Variants in CCDC148 observed in about 807,000 individuals in gnomAD.
CCDC148 encodes coiled-coil domain containing 148.
Under a neutral mutation model 85.7 loss-of-function variants are expected in CCDC148, and 89 were observed. That is an observed-to-expected ratio of 1.04 (90% CI 0.87 to 1.24). The LOEUF is 1.24. Among genes scored for constraint, CCDC148 ranks in the 50% most tolerant of loss-of-function variants. The probability of loss-of-function intolerance (pLI) is 0.00; values close to 1 mark genes in which losing one functional copy is unlikely to be tolerated. For missense variants in CCDC148, 692 were observed against 671.7 expected (o/e 1.03, Z -0.33); for synonymous variants, 230 against 213.9 (o/e 1.08, Z -0.66).
At chr2:158,408,662 T>G (rs2105312500) in intron 1 of CCDC148, among the ~76,000 whole-genome samples, 1 of 152,214 alleles carries the variant, frequency 6.6e-6, no homozygotes, top group South Asian at 2.1e-4. Context: ...TATGCATTCA[T>G]CCATTGATGG....
intron 11 of CCDC148, among the ~76,000 whole-genome samples, chr2:158,184,746 C>T (rs2105266947): frequency 6.6e-6 from 1 of 152,214 alleles, no homozygotes; most frequent in South Asian, 2.1e-4. Flanking sequence ...TAATGAGCAG[C>T]CTGGGATGAG....
intron 9 of CCDC148, among the ~76,000 whole-genome samples, chr2:158,296,126 C>T (rs560345239): frequency 2.0e-5 from 3 of 152,256 alleles, no homozygotes; most frequent in South Asian, 2.1e-4. Context: ...CATTTGGTGT[C>T]GTATCTCAGA....
chr2:158,366,090 GA>G (rs1559102517), intron 1 of CCDC148: 2 of 1,479,438 alleles, frequency 1.4e-6, no homozygotes, highest in East Asian at 5.0e-5. Flanking sequence ...TTAAGGAAAC[GA>G]GAGAACTAAA....
chr2:158,294,043 T>C (rs2105191285), intron 9 of CCDC148, among the ~76,000 whole-genome samples: 1 of 96,352 alleles, frequency 1.0e-5, no homozygotes, highest in Non-Finnish European at 1.9e-5. Flanking sequence ...CTTCCTTCCT[T>C]CCTTCCTTCC....
chr2:158,325,353 C>T (rs1692720214), intron 7 of CCDC148, among the ~76,000 whole-genome samples: 1 of 152,166 alleles, frequency 6.6e-6, no homozygotes, highest in African/African-American at 2.4e-5. Context: ...AATGGACTGA[C>T]CACTTCCTCT....
chr2:158,412,985 A>G (rs534087114), intron 1 of CCDC148, among the ~76,000 whole-genome samples: 1 of 151,830 alleles, frequency 6.6e-6, no homozygotes, highest in South Asian at 2.1e-4. Flanking sequence ...TATATCTCCT[A>G]ATGCTATAGC....
chr2:158,301,655 T>C (rs528149587), intron 9 of CCDC148, among the ~76,000 whole-genome samples: 11 of 152,184 alleles, frequency 7.2e-5, no homozygotes, highest in Non-Finnish European at 1.5e-4. Flanking sequence ...ATGGGAAATA[T>C]ACAGGAAGAC....
At chr2:158,223,474 G>C (rs1687309960) in intron 10 of CCDC148, among the ~76,000 whole-genome samples, 1 of 152,120 alleles carries the variant, frequency 6.6e-6, no homozygotes, top group Admixed American at 6.5e-5. Context: ...AGAGTGTAGT[G>C]GTTCTCCCAC....
chr2:158,177,899 A>T (rs1684674858), intron 12 of CCDC148, among the ~76,000 whole-genome samples: 1 of 152,076 alleles, frequency 6.6e-6, no homozygotes, highest in Non-Finnish European at 1.5e-5. Flanking sequence ...TTCCTCTCCT[A>T]TAAAATGGGG....
chr2:158,279,256 A>G (rs1021431557), intron 9 of CCDC148, among the ~76,000 whole-genome samples: 6 of 152,218 alleles, frequency 3.9e-5, no homozygotes, highest in South Asian at 2.1e-4. Context: ...TTCCTCACCA[A>G]CAATGGAACA....
intron 1 of CCDC148, among the ~76,000 whole-genome samples, chr2:158,404,151 T>C (rs1429044098): frequency 6.6e-6 from 1 of 152,144 alleles, no homozygotes; most frequent in African/African-American, 2.4e-5. Flanking sequence ...AAAGCCATTA[T>C]TATCATTGAC....
At chr2:158,278,963 T>C (rs1317194638) in intron 9 of CCDC148, among the ~76,000 whole-genome samples, 2 of 152,144 alleles carry the variant, frequency 1.3e-5, no homozygotes, top group South Asian at 4.1e-4. Context: ...GCAGCATTCA[T>C]GGCTCACGAA....
intron 7 of CCDC148, among the ~76,000 whole-genome samples, chr2:158,315,273 T>A (rs1012629254): frequency 6.6e-6 from 1 of 152,212 alleles, no homozygotes; most frequent in South Asian, 2.1e-4. Flanking sequence ...CTGAGTAAAC[T>A]TGGCATTTAA....
At chr2:158,311,521 G>C (rs909324632) in intron 8 of CCDC148, among the ~76,000 whole-genome samples, 35 of 152,216 alleles carry the variant, frequency 2.3e-4, no homozygotes, top group Admixed American at 6.5e-5. Context: ...AGATGACGGA[G>C]AGGGAGAGGC....
At chr2:158,223,879 G>C (rs145748847) in intron 10 of CCDC148, among the ~76,000 whole-genome samples, 4 of 152,186 alleles carry the variant, frequency 2.6e-5, no homozygotes, top group Admixed American at 2.6e-4. Context: ...AAAAAACAGA[G>C]CAGAAAAACT....
chr2:158,288,981 A>T (rs1690764466), intron 9 of CCDC148: 1 of 241,622 alleles, frequency 4.1e-6, no homozygotes, highest in African/African-American at 2.3e-5. Flanking sequence ...ACCCCTGATA[A>T]ATCCATCATA....
chr2:158,331,434 G>T (rs1444064761), intron 7 of CCDC148, among the ~76,000 whole-genome samples: 3 of 152,158 alleles, frequency 2.0e-5, no homozygotes, highest in Non-Finnish European at 4.4e-5. Context: ...CAACTACGTG[G>T]TCAATTTTGG....
chr2:158,404,835 C>A (rs897505479), intron 1 of CCDC148, among the ~76,000 whole-genome samples: 1 of 152,080 alleles, frequency 6.6e-6, no homozygotes, highest in Admixed American at 6.6e-5. Context: ...GTGTTTCCAG[C>A]AAATCAACCA....
chr2:158,289,520 A>C (rs774038473), intron 9 of CCDC148, among the ~76,000 whole-genome samples: 2 of 152,238 alleles, frequency 1.3e-5, no homozygotes, highest in Non-Finnish European at 2.9e-5. Flanking sequence ...AGTTAAAACT[A>C]CAATGAAATA....
Sources: allele counts gnomAD v4.1 joint callset (sites outside exome capture counted in the v4.1 genomes callset), GRCh38; gene constraint gnomAD v4.1.1; transcripts MANE v1.5; gene names NCBI Gene and HGNC (gene_info 2026-07-23, HGNC 2026-07-21).